Variants in PHF24 observed in about 807,000 individuals in gnomAD.
PHF24 encodes the protein PHD finger protein 24, also known as Galpha inhibitory interacting protein.
A neutral mutation model predicts 42.6 loss-of-function variants in PHF24; 25 were observed. That is an observed-to-expected ratio of 0.59 (90% confidence interval 0.43 to 0.82). The LOEUF (loss-of-function observed/expected upper bound fraction) is 0.82. Ranked by LOEUF, PHF24 falls within the 40% of genes least tolerant of loss-of-function variation. PHF24 has a pLI of 0.00. For missense variants in PHF24, 470 were observed against 538.1 expected (o/e 0.87, Z 1.25); for synonymous variants, 185 against 204.8 (o/e 0.90, Z 0.83).
chr9:34,833,563 G>A, the PHF24 span: 1 of 1,551,412 alleles, frequency 6.4e-7, no homozygotes. Context: ...TTTGTTCCCT[G>A]GACTTCCTTG....
the PHF24 span, chr9:34,665,686 G>A: frequency 1.4e-6 from 1 of 700,800 alleles, no homozygotes; most frequent in Non-Finnish European, 2.6e-6. Flanking sequence ...GTCTCCTGGG[G>A]AGCGGCATGA....
chr9:34,700,423 A>G, the PHF24 span, among the ~76,000 whole-genome samples: 2 of 152,148 alleles, frequency 1.3e-5, no homozygotes, highest in African/African-American at 4.8e-5. Context: ...GAGCCAATAG[A>G]CTTTGCTGAG....
chr9:34,918,050 A>G, the PHF24 span: 1 of 1,324,590 alleles, frequency 7.5e-7, no homozygotes, highest in Non-Finnish European at 1.1e-6. Context: ...ATCCCAAAGG[A>G]GGCCTGGACA....
At chr9:34,694,390 G>A in the PHF24 span, among the ~76,000 whole-genome samples, 1 of 151,750 alleles carries the variant, frequency 6.6e-6, no homozygotes, top group African/African-American at 2.4e-5. Flanking sequence ...GAGTGCAATG[G>A]CACAATCTCA....
the PHF24 span, among the ~76,000 whole-genome samples, chr9:34,815,319 T>G: frequency 3.3e-5 from 5 of 151,098 alleles, no homozygotes; most frequent in African/African-American, 9.8e-5. Context: ...AGAATTCTTT[T>G]TTTGTTTGTT....
Position 34,959,672 on chromosome 9 carries a change from A to G in PHF24, c.-5+1271A>G, listed in dbSNP as rs949158241. On this transcript the variant is annotated intron_variant, in intron 1 of 7. Coordinates refer to ENST00000242315, the Ensembl canonical transcript of PHF24. ...GATTTCCACAGAATCCCCAGATTTC[A>G]GGGTGTGGCTTCCTTCACTGGCAGT... 2.0e-5 allele frequency among the ~76,000 whole-genome samples: 3 copies of G among 152,174 alleles called. No individual in the cohort carries two copies. The East Asian group carries it at 5.8e-4, about 29-fold the overall frequency.
At chr9:34,836,037 G>C in the PHF24 span, 1 of 629,144 alleles carries the variant, frequency 1.6e-6, no homozygotes, top group African/African-American at 1.8e-5. Flanking sequence ...TTCCCTCTGG[G>C]GGAAGCCAGC....
At chr9:34,804,782 G>T in the PHF24 span, among the ~76,000 whole-genome samples, 1 of 152,128 alleles carries the variant, frequency 6.6e-6, no homozygotes, top group Non-Finnish European at 1.5e-5. Context: ...GTGGTTTCTG[G>T]CATATTCAGA....
chr9:34,699,193 T>A, the PHF24 span, among the ~76,000 whole-genome samples: 82 of 152,372 alleles, frequency 5.4e-4, 1 homozygote, highest in Admixed American at 4.6e-3. Flanking sequence ...TGGCTTGGAC[T>A]CCTACTTGTG....
At chr9:34,856,417 T>G in the PHF24 span, among the ~76,000 whole-genome samples, 1 of 152,236 alleles carries the variant, frequency 6.6e-6, no homozygotes, top group Non-Finnish European at 1.5e-5. Context: ...TAATCTACAT[T>G]CAGTCTTTGA....
the PHF24 span, among the ~76,000 whole-genome samples, chr9:34,819,813 C>T: frequency 6.6e-6 from 1 of 152,158 alleles, no homozygotes; most frequent in African/African-American, 2.4e-5. Flanking sequence ...TTAATTATGT[C>T]AAGTTGCTTC....
chr9:34,723,203 A>C, the PHF24 span: 1 of 1,543,116 alleles, frequency 6.5e-7, no homozygotes, highest in Non-Finnish European at 8.8e-7. Context: ...GAGCGGACCA[A>C]TGTTTCTATC....
chr9:34,699,329 C>A, the PHF24 span, among the ~76,000 whole-genome samples: 1 of 152,202 alleles, frequency 6.6e-6, no homozygotes, highest in Non-Finnish European at 1.5e-5. Context: ...ACAGCCCCAA[C>A]CAGGGATGGT....
chr9:34,880,000 T>C, the PHF24 span, among the ~76,000 whole-genome samples: 1 of 152,200 alleles, frequency 6.6e-6, no homozygotes, highest in African/African-American at 2.4e-5. Context: ...ACAGCAGATA[T>C]CTCAGCAGAA....
At chr9:34,668,926 G>C in the PHF24 span, among the ~76,000 whole-genome samples, 1 of 152,160 alleles carries the variant, frequency 6.6e-6, no homozygotes, top group South Asian at 2.1e-4. Context: ...CACTGAGCCA[G>C]ACTAAGGCAT....
intron 3 of PHF24, among the ~76,000 whole-genome samples, chr9:34,973,483 G>A (rs1412487933): frequency 6.6e-6 from 1 of 152,212 alleles, no homozygotes; most frequent in Non-Finnish European, 1.5e-5. Flanking sequence ...TTGAAAGCCA[G>A]ATTTATATCC....
At chr9:34,936,240 C>T in the PHF24 span, among the ~76,000 whole-genome samples, 11 of 152,304 alleles carry the variant, frequency 7.2e-5, no homozygotes, top group Admixed American at 5.2e-4. Flanking sequence ...GACTGGTTTT[C>T]GTATTTTTTT....
At chr9:34,760,917 A>T in the PHF24 span, among the ~76,000 whole-genome samples, 1 of 151,950 alleles carries the variant, frequency 6.6e-6, no homozygotes. Context: ...GCTTCAGCCC[A>T]GGAGGTAGAG....
At chr9:34,779,362 G>GT in the PHF24 span, among the ~76,000 whole-genome samples, 6 of 152,104 alleles carry the variant, frequency 3.9e-5, no homozygotes, top group African/African-American at 1.4e-4. Context: ...GAAAATCTAT[G>GT]TTTTCTTTAA....
Sources: gnomAD v4.1 joint callset for allele counts (sites outside exome capture counted in the v4.1 genomes callset) on GRCh38, gnomAD v4.1.1 for gene constraint, MANE v1.5 for transcripts, NCBI Gene and HGNC (gene_info 2026-07-23, HGNC 2026-07-21) for gene names.